The following PHF24 variants were observed in gnomAD, a reference collection of about 807,000 sequenced individuals.
PHF24 encodes the protein PHD finger protein 24.
PHF24 carries 25 observed loss-of-function variants against 42.6 expected under a neutral mutation model. The ratio of observed to expected loss-of-function variants is 0.59; its 90% confidence interval spans 0.43 to 0.82. The LOEUF (loss-of-function observed/expected upper bound fraction) is 0.82. Among genes scored for constraint, PHF24 ranks in the 40% least tolerant of loss-of-function variants. The probability of loss-of-function intolerance (pLI) is 0.00; values close to 1 mark genes in which losing one functional copy is unlikely to be tolerated. For synonymous variants in PHF24, 185 were observed against 204.8 expected, an observed-to-expected ratio of 0.90 and a Z score of 0.83; for missense variants, 470 against 538.1, an observed-to-expected ratio of 0.87 and a Z score of 1.25.
the PHF24 span, among the ~76,000 whole-genome samples, chr9:34,879,548 G>A: frequency 1.3e-5 from 2 of 152,158 alleles, no homozygotes; most frequent in African/African-American, 2.4e-5. Context: ...CAGGAACTAC[G>A]TGACGTGTGC....
chr9:34,807,395 A>C, the PHF24 span, among the ~76,000 whole-genome samples: 1 of 152,226 alleles, frequency 6.6e-6, no homozygotes, highest in Non-Finnish European at 1.5e-5. Flanking sequence ...GGATGCAGTA[A>C]ACATTGAAAG....
the PHF24 span, among the ~76,000 whole-genome samples, chr9:34,735,516 G>A: frequency 1.3e-5 from 2 of 151,444 alleles, no homozygotes; most frequent in African/African-American, 4.8e-5. Flanking sequence ...AAGTGACAAA[G>A]CAGGCCGGGC....
the PHF24 span, among the ~76,000 whole-genome samples, chr9:34,689,205 G>C: frequency 1.3e-5 from 2 of 152,066 alleles, no homozygotes; most frequent in African/African-American, 4.8e-5. This position sits in a 1 kb window ranked among gnomAD's most constrained non-coding sequence, Gnocchi z 4.1. Flanking sequence ...AGTGACACTG[G>C]ATTCCTTAGA....
the PHF24 span, among the ~76,000 whole-genome samples, chr9:34,941,956 AG>A: frequency 6.6e-6 from 1 of 152,180 alleles, no homozygotes; most frequent in Non-Finnish European, 1.5e-5. Context: ...CTTGTCACTA[AG>A]TGGCTGGTTG....
chr9:34,962,247 C>T (rs2083788167), intron 1 of PHF24, among the ~76,000 whole-genome samples: 1 of 152,200 alleles, frequency 6.6e-6, no homozygotes. Flanking sequence ...AGACACGTTT[C>T]CTTGCCTATT....
chr9:34,878,413 G>A, the PHF24 span, among the ~76,000 whole-genome samples: 1 of 152,200 alleles, frequency 6.6e-6, no homozygotes, highest in African/African-American at 2.4e-5. Context: ...AAGCAGGGCG[G>A]GGCATTGCCT....
intron 1 of PHF24, among the ~76,000 whole-genome samples, chr9:34,965,483 C>G (rs558548441): frequency 3.9e-5 from 6 of 152,350 alleles, no homozygotes; most frequent in African/African-American, 1.4e-4. Flanking sequence ...TAGCAGTGCT[C>G]CAAGAGCCTG....
At chr9:34,845,917 AAGG>A in the PHF24 span, among the ~76,000 whole-genome samples, 1 of 152,074 alleles carries the variant, frequency 6.6e-6, no homozygotes, top group African/African-American at 2.4e-5. Context: ...TGTCCCTGCA[AAGG>A]ACATGAACTC....
chr9:34,921,247 T>C, the PHF24 span, among the ~76,000 whole-genome samples: 1 of 151,874 alleles, frequency 6.6e-6, no homozygotes, highest in Non-Finnish European at 1.5e-5. Flanking sequence ...TTAACAATTA[T>C]GTTTGAATTG....
At chr9:34,858,985 CTTAGT>C in the PHF24 span, among the ~76,000 whole-genome samples, 1 of 152,130 alleles carries the variant, frequency 6.6e-6, no homozygotes, top group African/African-American at 2.4e-5. Flanking sequence ...GCATGATCTA[CTTAGT>C]TTAAAGTAAA....
At chr9:34,702,545 T>G in the PHF24 span, among the ~76,000 whole-genome samples, 1 of 152,264 alleles carries the variant, frequency 6.6e-6, no homozygotes, top group Non-Finnish European at 1.5e-5. Context: ...GAGAAATGGT[T>G]GTCTTGAAGA....
chr9:34,729,413 A>G, the PHF24 span: 1 of 1,550,370 alleles, frequency 6.5e-7, no homozygotes, highest in South Asian at 1.2e-5. Context: ...ACAGAACAAA[A>G]GTAGGGCTCA....
the PHF24 span, among the ~76,000 whole-genome samples, chr9:34,702,018 G>A: frequency 6.6e-6 from 1 of 152,026 alleles, no homozygotes; most frequent in Non-Finnish European, 1.5e-5. Context: ...CTCATTACGG[G>A]GCCAACGCTA....
At chr9:34,806,239 C>T in the PHF24 span, among the ~76,000 whole-genome samples, 2 of 151,892 alleles carry the variant, frequency 1.3e-5, no homozygotes, top group African/African-American at 2.4e-5. Flanking sequence ...AATCATCTAT[C>T]GCTTTCTAAA....
At chr9:34,965,051 C>T (rs1826721646) in intron 1 of PHF24, among the ~76,000 whole-genome samples, 1 of 152,220 alleles carries the variant, frequency 6.6e-6, no homozygotes, top group Non-Finnish European at 1.5e-5. Context: ...TTTTAACTCT[C>T]TCTTTTTCCT....
At chr9:34,781,529 C>T in the PHF24 span, among the ~76,000 whole-genome samples, 541 of 152,104 alleles carry the variant, frequency 3.6e-3, 2 homozygotes, top group African/African-American at 0.012. Flanking sequence ...GATAATGTGA[C>T]GGTTGTACAA....
chr9:34,732,146 GC>G, the PHF24 span, among the ~76,000 whole-genome samples: 1 of 151,906 alleles, frequency 6.6e-6, no homozygotes, highest in Non-Finnish European at 1.5e-5. Flanking sequence ...ACAGGCGTGA[GC>G]CTATTTTTAG....
chr9:34,701,758 A>C, the PHF24 span, among the ~76,000 whole-genome samples: 1 of 151,650 alleles, frequency 6.6e-6, no homozygotes, highest in South Asian at 2.1e-4. This position sits in a 1 kb window ranked among gnomAD's most constrained non-coding sequence, Gnocchi z 5.8. Context: ...AACCCCTGCC[A>C]CCCAGGCCCC....
the PHF24 span, among the ~76,000 whole-genome samples, chr9:34,684,646 T>C: frequency 2.0e-5 from 3 of 152,194 alleles, no homozygotes; most frequent in African/African-American, 7.2e-5. Flanking sequence ...TTTGCAGTGT[T>C]GAGGCCCTGA....
Sources: allele counts gnomAD v4.1 joint callset (sites outside exome capture counted in the v4.1 genomes callset), GRCh38; gene constraint gnomAD v4.1.1; non-coding constraint Gnocchi (gnomAD v3.1); transcripts MANE v1.5; gene names NCBI Gene and HGNC (gene_info 2026-07-23, HGNC 2026-07-21).